Variants in ENOX1 observed in about 807,000 individuals in gnomAD.
ENOX1 encodes the protein candidate growth-related and time keeping constitutive hydroquinone (NADH) oxidase.
In ENOX1, 42 loss-of-function variants were observed where a neutral mutation model predicts 82.5. That is an observed-to-expected ratio of 0.51 (90% CI 0.40 to 0.66). The LOEUF is 0.66. ENOX1 is among the 30% of genes least tolerant of loss of function. The probability of loss-of-function intolerance (pLI) is 0.00; values close to 1 mark genes in which losing one functional copy is unlikely to be tolerated. For missense variants in ENOX1, 608 were observed against 811.6 expected (o/e 0.75, Z 3.05); for synonymous variants, 271 against 282.2 (o/e 0.96, Z 0.40).
intron 2 of ENOX1, among the ~76,000 whole-genome samples, chr13:43,528,778 G>A (rs1050956413): frequency 3.3e-5 from 5 of 151,910 alleles, no homozygotes; most frequent in African/African-American, 7.2e-5. Context: ...AATCCAGGGC[G>A]GCCAAAAAGA....
intron 8 of ENOX1, among the ~76,000 whole-genome samples, chr13:43,350,841 C>T (rs865897338): frequency 2.0e-5 from 3 of 152,100 alleles, no homozygotes; most frequent in African/African-American, 4.8e-5. Flanking sequence ...GCACTGAATA[C>T]GAAACTTAGG....
chr13:43,543,535 G>T (rs1342751085), intron 2 of ENOX1, among the ~76,000 whole-genome samples: 1 of 151,386 alleles, frequency 6.6e-6, no homozygotes, highest in Non-Finnish European at 1.5e-5. Context: ...AGTATTTAAG[G>T]TTCCCTGCCC....
intron 2 of ENOX1, among the ~76,000 whole-genome samples, chr13:43,495,441 G>C (rs889958211): frequency 6.6e-6 from 1 of 151,888 alleles, no homozygotes; most frequent in Non-Finnish European, 1.5e-5. Context: ...GTTCTTTTAT[G>C]CCTGGTTCCT....
chr13:43,241,668 T>C (rs1261344501), intron 14 of ENOX1, among the ~76,000 whole-genome samples: 1 of 152,220 alleles, frequency 6.6e-6, no homozygotes, highest in Non-Finnish European at 1.5e-5. Flanking sequence ...CTTTTAACTC[T>C]AATTTCTGTG....
At position 43,676,492 on chromosome 13, in the gene ENOX1, G is replaced by C. The variant is rs143432239; in HGVS notation, c.-284-8948C>G. Among the ~76,000 whole-genome samples the C allele has an allele frequency of 2.6e-5, 4 of 152,310 alleles. No individual in the cohort carries two copies. The East Asian group carries it at 5.8e-4, about 22-fold the overall frequency. ...ACCTCAAATTTAGAAGTCTGAAAGA[G>C]AAACAGTGAAGGGGTGTCCGCCTCT... On this transcript the variant is annotated intron_variant, in intron 1 of 16. Transcript: ENST00000690772.
chr13:43,500,367 T>C (rs1027959768), intron 2 of ENOX1, among the ~76,000 whole-genome samples: 1 of 152,100 alleles, frequency 6.6e-6, no homozygotes, highest in African/African-American at 2.4e-5. Context: ...TAAATCTCCA[T>C]ACAACTATTA....
chr13:43,412,642 C>G (rs1166501161), intron 4 of ENOX1, among the ~76,000 whole-genome samples: 1 of 152,144 alleles, frequency 6.6e-6, no homozygotes, highest in Non-Finnish European at 1.5e-5. Context: ...ACAGGTAGCA[C>G]AAAGCTTAAG....
intron 8 of ENOX1, among the ~76,000 whole-genome samples, chr13:43,346,644 C>T (rs761088059): frequency 5.9e-5 from 9 of 152,118 alleles, no homozygotes; most frequent in South Asian, 4.2e-4. Flanking sequence ...TTTCATGGAC[C>T]GAAGCAGCTT....
chr13:43,551,005 A>G (rs1296552545), intron 2 of ENOX1, among the ~76,000 whole-genome samples: 1 of 152,212 alleles, frequency 6.6e-6, no homozygotes, highest in Non-Finnish European at 1.5e-5. Flanking sequence ...GCTTTTTCCC[A>G]GTAACATCTT....
chr13:43,469,641 G>C lies in ENOX1; in HGVS notation c.-75+14368C>G, dbSNP rs543345387. ...AGATCTATATAAATGCAGAGATAGTGTATGTTCATATATTGGAAGGCTTGA... is the reference window on the plus strand; with the variant it reads ...AGATCTATATAAATGCAGAGATAGTCTATGTTCATATATTGGAAGGCTTGA... On this transcript the variant is annotated intron_variant, in intron 3 of 16. Transcript: ENST00000690772. Among the ~76,000 whole-genome samples, 11 of 152,046 alleles carry C rather than the reference G, an allele frequency of 7.2e-5. No homozygotes were observed. In the East Asian group the frequency reaches 2.1e-3, roughly 29 times the overall value.
At chr13:43,767,931 G>A (rs1046825873) in intron 1 of ENOX1, among the ~76,000 whole-genome samples, 3 of 152,230 alleles carry the variant, frequency 2.0e-5, no homozygotes, top group Non-Finnish European at 4.4e-5. Context: ...TAGAGATGAG[G>A]AGGAGGGAGA....
At chr13:43,689,240 A>G (rs2086227220) in intron 1 of ENOX1, among the ~76,000 whole-genome samples, 1 of 127,078 alleles carries the variant, frequency 7.9e-6, no homozygotes, top group African/African-American at 3.6e-5. Flanking sequence ...AAAAATACAT[A>G]GAGAGGTCAA....
chr13:43,704,411 A>G (rs2087114039), intron 1 of ENOX1, among the ~76,000 whole-genome samples: 1 of 152,074 alleles, frequency 6.6e-6, no homozygotes, highest in Non-Finnish European at 1.5e-5. Context: ...CATAAAAACA[A>G]CTTTTTGAAG....
intron 3 of ENOX1, among the ~76,000 whole-genome samples, chr13:43,470,088 C>T (rs1482774855): frequency 6.6e-6 from 1 of 151,014 alleles, no homozygotes; most frequent in Admixed American, 6.6e-5. Context: ...AAAAACTCTA[C>T]ACTGACCTCA....
chr13:43,739,493 G>A (rs1013302961), intron 1 of ENOX1, among the ~76,000 whole-genome samples: 2 of 151,972 alleles, frequency 1.3e-5, no homozygotes, highest in Admixed American at 6.6e-5. Context: ...AGGCTGCAGT[G>A]AGCTGAGATA....
At chr13:43,761,306 T>C (rs544031584) in intron 1 of ENOX1, among the ~76,000 whole-genome samples, 83 of 152,320 alleles carry the variant, frequency 5.4e-4, no homozygotes, top group African/African-American at 1.9e-3. Flanking sequence ...CTTTATTTCA[T>C]ACAAAAACAC....
intron 1 of ENOX1, among the ~76,000 whole-genome samples, chr13:43,694,703 G>C (rs925108170): frequency 6.6e-6 from 1 of 152,188 alleles, no homozygotes; most frequent in African/African-American, 2.4e-5. Context: ...TCTTAGAAGA[G>C]ATGTGGTTAA....
intron 3 of ENOX1, among the ~76,000 whole-genome samples, chr13:43,428,630 G>A (rs1254548644): frequency 1.3e-5 from 2 of 152,148 alleles, no homozygotes; most frequent in African/African-American, 4.8e-5. Flanking sequence ...CTTTCTGCCA[G>A]AACCTTCTTC....
chr13:43,295,012 A>C, intron 12 of ENOX1, among the ~76,000 whole-genome samples: 1 of 152,200 alleles, frequency 6.6e-6, no homozygotes, highest in East Asian at 1.9e-4. Flanking sequence ...GAACTGATTT[A>C]TATATTGATT....
Sources: gnomAD v4.1 joint callset for allele counts (sites outside exome capture counted in the v4.1 genomes callset) on GRCh38, gnomAD v4.1.1 for gene constraint, MANE v1.5 for transcripts, NCBI Gene and HGNC (gene_info 2026-07-23, HGNC 2026-07-21) for gene names.